The following BICC1 variants were observed in gnomAD, a reference collection of about 807,000 sequenced individuals.
BICC1 encodes BicC family RNA binding protein 1.
A neutral mutation model predicts 111.0 loss-of-function variants in BICC1; 43 were observed. The observed-to-expected ratio is 0.39, with a 90% CI of 0.30 to 0.50. BICC1 has a LOEUF of 0.50. BICC1 is among the 20% of genes least tolerant of loss of function. BICC1 has a pLI of 0.88. For synonymous variants in BICC1, 467 were observed against 434.4 expected (o/e 1.07, Z -0.93); for missense variants, 1,091 against 1,203.2 (o/e 0.91, Z 1.38).
intron 3 of BICC1, among the ~76,000 whole-genome samples, chr10:58,763,740 C>A (rs937076150): frequency 2.6e-5 from 4 of 151,662 alleles, no homozygotes; most frequent in Non-Finnish European, 5.9e-5. Flanking sequence ...GGACCTGGCA[C>A]GTTGAAATTA....
At chr10:58,818,469 A>G (rs1022430048) in intron 19 of BICC1, among the ~76,000 whole-genome samples, 1 of 152,150 alleles carries the variant, frequency 6.6e-6, no homozygotes, top group Non-Finnish European at 1.5e-5. Context: ...GTTTGATGCT[A>G]GTTGGCTTAA....
intron 3 of BICC1, among the ~76,000 whole-genome samples, chr10:58,779,350 G>A (rs184565248): frequency 6.4e-4 from 97 of 152,282 alleles, no homozygotes; most frequent in Admixed American, 2.9e-3. Context: ...ATGCCACTGG[G>A]GTGAACACTG....
chr10:58,628,405 G>A (rs1837697000), intron 2 of BICC1, among the ~76,000 whole-genome samples: 1 of 152,068 alleles, frequency 6.6e-6, no homozygotes, highest in Non-Finnish European at 1.5e-5. Flanking sequence ...CATCAAGGTG[G>A]ATCATTTCTA....
intron 3 of BICC1, among the ~76,000 whole-genome samples, chr10:58,705,913 A>G (rs1364373305): frequency 6.6e-6 from 1 of 152,170 alleles, no homozygotes; most frequent in Non-Finnish European, 1.5e-5. Context: ...TTAGAGCTGG[A>G]GAGAACTGAG....
chr10:58,684,667 G>C (rs1279174918), intron 2 of BICC1, among the ~76,000 whole-genome samples: 1 of 152,156 alleles, frequency 6.6e-6, no homozygotes, highest in Non-Finnish European at 1.5e-5. Flanking sequence ...TTGCATAGAG[G>C]TGTTTATAGT....
At chr10:58,623,474 C>T (rs189202207) in intron 2 of BICC1, among the ~76,000 whole-genome samples, 121 of 152,084 alleles carry the variant, frequency 8.0e-4, no homozygotes, top group African/African-American at 2.8e-3. Flanking sequence ...GATATATTTC[C>T]CAAACACAAT....
At chr10:58,573,385 C>T (rs1307159459) in intron 1 of BICC1, among the ~76,000 whole-genome samples, 2 of 152,088 alleles carry the variant, frequency 1.3e-5, no homozygotes, top group Non-Finnish European at 2.9e-5. Flanking sequence ...AGCTTTTGAG[C>T]CCTTTCTAGG....
chr10:58,623,627 G>A (rs996847503), intron 2 of BICC1, among the ~76,000 whole-genome samples: 1 of 152,170 alleles, frequency 6.6e-6, no homozygotes, highest in African/African-American at 2.4e-5. Flanking sequence ...TGGTAGCTGT[G>A]TCCCATGCTG....
chr10:58,589,788 T>A (rs1164200448), intron 1 of BICC1, among the ~76,000 whole-genome samples: 1 of 152,154 alleles, frequency 6.6e-6, no homozygotes, highest in Non-Finnish European at 1.5e-5. Context: ...ACAAATTTTT[T>A]AAATTATTAT....
At chr10:58,713,863 T>G (rs777952979) in intron 3 of BICC1, among the ~76,000 whole-genome samples, 5 of 152,238 alleles carry the variant, frequency 3.3e-5, no homozygotes, top group African/African-American at 4.8e-5. Context: ...TATCTTTCTT[T>G]CCTTTTCTCC....
chr10:58,519,813 T>C (rs950709621), intron 1 of BICC1, among the ~76,000 whole-genome samples: 1 of 152,178 alleles, frequency 6.6e-6, no homozygotes, highest in Non-Finnish European at 1.5e-5. Context: ...GAACTATCTC[T>C]AAAAATTCTC....
chr10:58,674,099 A>G (rs538535666), intron 2 of BICC1, among the ~76,000 whole-genome samples: 1 of 152,284 alleles, frequency 6.6e-6, no homozygotes, highest in African/African-American at 2.4e-5. Flanking sequence ...TTTACATACC[A>G]ATTTGGTTTT....
intron 1 of BICC1, among the ~76,000 whole-genome samples, chr10:58,518,531 CCAAGT>C (rs1842301470): frequency 7.1e-6 from 1 of 141,330 alleles, no homozygotes; most frequent in Admixed American, 7.5e-5. Context: ...CAAATACTTG[CCAAGT>C]CTTTTTTTCT....
chr10:58,647,916 C>G (rs902232277), intron 2 of BICC1, among the ~76,000 whole-genome samples: 1 of 152,204 alleles, frequency 6.6e-6, no homozygotes, highest in Admixed American at 6.5e-5. Flanking sequence ...CATGGTCCAT[C>G]ATCTACTGAT....
intron 1 of BICC1, among the ~76,000 whole-genome samples, chr10:58,597,568 C>T (rs1844857735): frequency 6.6e-6 from 1 of 152,126 alleles, no homozygotes; most frequent in Non-Finnish European, 1.5e-5. Flanking sequence ...CACAAATTTA[C>T]CAGGGCAGAG....
intron 3 of BICC1, among the ~76,000 whole-genome samples, chr10:58,756,093 G>A (rs1313740417): frequency 6.6e-6 from 1 of 151,962 alleles, no homozygotes; most frequent in Non-Finnish European, 1.5e-5. Flanking sequence ...ATTTTCACTT[G>A]TTTCTGGATG....
chr10:58,598,033 C>T (rs192640394), intron 1 of BICC1, among the ~76,000 whole-genome samples: 1 of 152,112 alleles, frequency 6.6e-6, no homozygotes, highest in Non-Finnish European at 1.5e-5. Context: ...AGATTAAAGA[C>T]AGCCATAAGA....
chr10:58,522,680 A>G (rs1011648078), intron 1 of BICC1, among the ~76,000 whole-genome samples: 1 of 152,186 alleles, frequency 6.6e-6, no homozygotes, highest in Non-Finnish European at 1.5e-5. Flanking sequence ...AAAAGCTAGC[A>G]GAAGGCAAGA....
chr10:58,518,589 T>G (rs1842304165), intron 1 of BICC1, among the ~76,000 whole-genome samples: 1 of 105,610 alleles, frequency 9.5e-6, no homozygotes, highest in Admixed American at 1.1e-4. Context: ...TATGTGTGTG[T>G]TGGGGGGGGG....
Sources: gnomAD v4.1 joint callset for allele counts (sites outside exome capture counted in the v4.1 genomes callset) on GRCh38, gnomAD v4.1.1 for gene constraint, MANE v1.5 for transcripts, NCBI Gene and HGNC (gene_info 2026-07-23, HGNC 2026-07-21) for gene names.